Variants in TLL1 observed in about 807,000 individuals in gnomAD.
TLL1 encodes tolloid like 1.
In TLL1, 49 loss-of-function variants were observed where a neutral mutation model predicts 128.2. The ratio of observed to expected loss-of-function variants is 0.38; its 90% CI spans 0.30 to 0.48. The LOEUF is 0.48. Among genes scored for constraint, TLL1 ranks in the 20% least tolerant of loss-of-function variants. The pLI is 0.96. For missense variants in TLL1, 1,123 were observed against 1,242.0 expected (o/e 0.90, Z 1.44); for synonymous variants, 454 against 418.8 (o/e 1.08, Z -1.03).
chr4:165,900,898 C>G (rs1436206309), intron 1 of TLL1, among the ~76,000 whole-genome samples: 1 of 151,862 alleles, frequency 6.6e-6, no homozygotes, highest in Non-Finnish European at 1.5e-5. Context: ...TTGGTCTTTT[C>G]ACATGGTCCC....
intron 12 of TLL1, among the ~76,000 whole-genome samples, chr4:166,047,296 C>G (rs2111099891): frequency 1.3e-5 from 2 of 151,702 alleles, no homozygotes; most frequent in South Asian, 4.2e-4. Flanking sequence ...TCCCGAGTAG[C>G]TGGGACTACA....
Position 166,099,288 on chromosome 4 carries a change from C to A in TLL1, c.2668C>A (p.Arg890=), listed in dbSNP as rs1385488840. 1 of 1,613,312 alleles carries A rather than the reference C, an allele frequency of 6.2e-7. No homozygotes were observed. The highest frequency in any genetic ancestry group is 8.5e-7 in the Non-Finnish European group (1 of 1,179,608). The change falls in exon 20 of 21, where the codon CGA becomes AGA. Residue 890 remains arginine (R), a synonymous_variant. Coordinates refer to ENST00000061240, the MANE Select transcript of TLL1 (RefSeq NM_012464.5). The part of the protein sequence containing the change: ...QATHSTECGG[R]LKAESKPRDL... ...TCTTTCCTGGGCAGAGTGTGGCGGA[C>A]GATTGAAAGCAGAATCAAAACCAAG... is the stretch of plus-strand genomic sequence containing the variant.
At chr4:166,095,417 G>A (rs4690832) in intron 19 of TLL1, among the ~76,000 whole-genome samples, 147,173 of 151,216 alleles carry the variant, frequency 0.97, 71,737 homozygotes, top group East Asian at 1. Flanking sequence ...CTTTAGTAAA[G>A]AAAAAAATCC....
chr4:166,078,929 C>A (rs1378000911), intron 18 of TLL1, among the ~76,000 whole-genome samples: 1 of 152,058 alleles, frequency 6.6e-6, no homozygotes, highest in Non-Finnish European at 1.5e-5. Flanking sequence ...CTCTTCCCTT[C>A]AGTGAATATT....
At chr4:165,992,431 G>T (rs1350174215) in intron 2 of TLL1, among the ~76,000 whole-genome samples, 1 of 151,938 alleles carries the variant, frequency 6.6e-6, no homozygotes, top group Non-Finnish European at 1.5e-5. Flanking sequence ...TATTCAGTTT[G>T]CACTGGGGAA....
chr4:166,089,501 G>A (rs1480836018), intron 18 of TLL1, among the ~76,000 whole-genome samples: 1 of 152,130 alleles, frequency 6.6e-6, no homozygotes, highest in African/African-American at 2.4e-5. Context: ...TACGCAATGT[G>A]TGTACTCCAC....
At chr4:165,877,923 T>G (rs1358105012) in intron 1 of TLL1, among the ~76,000 whole-genome samples, 2 of 152,176 alleles carry the variant, frequency 1.3e-5, no homozygotes, top group Non-Finnish European at 2.9e-5. Flanking sequence ...AAGATGTTTT[T>G]GCAGAACAAT....
chr4:166,081,741 A>ATTT (rs200031279), intron 18 of TLL1, among the ~76,000 whole-genome samples: 107 of 146,338 alleles, frequency 7.3e-4, no homozygotes, highest in African/African-American at 1.7e-3. Flanking sequence ...CAAAGTTGTT[A>ATTT]TTTTTTTTTT....
chr4:166,101,207 C>A lies in TLL1; in HGVS notation c.*331C>A, dbSNP rs2279723. On this transcript the variant is annotated 3_prime_UTR_variant, in exon 21 of 21. Transcript: ENST00000061240. ...GTTTAATTCAGGAACTGTGACCCTGCAGTGTTCTTTTTGACAATTTGTCAA... is the reference window on the plus strand; with the variant it reads ...GTTTAATTCAGGAACTGTGACCCTGAAGTGTTCTTTTTGACAATTTGTCAA... 168,159 of 321,954 alleles carry A rather than the reference C, an allele frequency of 0.52. 44,558 individuals carry two copies. The highest frequency in any genetic ancestry group is 0.56 in the Non-Finnish European group (95,249 of 169,456). The allele number at this position is 321,954 out of a possible 1,614,324, so 19.9% of individuals were successfully genotyped here. A position where few individuals can be genotyped will look rare whatever the true frequency, so the allele number is the denominator to read the frequency against.
intron 14 of TLL1, among the ~76,000 whole-genome samples, chr4:166,059,085 A>G (rs575072476): frequency 1.3e-5 from 2 of 152,142 alleles, no homozygotes; most frequent in African/African-American, 2.4e-5. Context: ...AAATAACAAG[A>G]CTACTGTTTC....
Position 166,043,330 on chromosome 4 carries a change from C to T in TLL1, c.1435C>T (p.Pro479Ser), listed in dbSNP as rs1292349321. The change falls in exon 12 of 21, where the codon CCT (proline) becomes TCT (serine). Residue 479 changes from proline (P) to serine (S), a missense_variant. Pro to Ser is a moderately conservative substitution (Grantham distance 74). Coordinates refer to ENST00000061240, the MANE Select transcript of TLL1 (RefSeq NM_012464.5). ...AGGACAGATTCAGTCTCCCAATTAT[C>T]CTGATGACTATCGCCCGATGAAAGA... ...NEGQIQSPNY[P>S]DDYRPMKECV... 4 of 1,614,002 alleles carry T rather than the reference C, an allele frequency of 2.5e-6. No individual in the cohort carries two copies. The Admixed American group carries it at 6.7e-5, about 27-fold the overall frequency.
intron 8 of TLL1, among the ~76,000 whole-genome samples, chr4:166,020,286 A>G (rs1738160781): frequency 6.6e-6 from 1 of 152,226 alleles, no homozygotes; most frequent in African/African-American, 2.4e-5. Context: ...AAGGACAACT[A>G]GTAGCTAATG....
intron 8 of TLL1, among the ~76,000 whole-genome samples, chr4:166,021,432 C>CTTTTT (rs113942126): frequency 1.7e-5 from 2 of 120,442 alleles, no homozygotes; most frequent in African/African-American, 3.2e-5. Flanking sequence ...TTATTTTTGC[C>CTTTTT]TTTTTTTTTT....
chr4:166,096,907 C>T (rs1284672255), intron 19 of TLL1, among the ~76,000 whole-genome samples: 1 of 152,000 alleles, frequency 6.6e-6, no homozygotes, highest in Admixed American at 6.6e-5. Flanking sequence ...AATTGTTGTT[C>T]AATTTTCCTG....
chr4:165,997,408 T>G (rs1257063229), intron 5 of TLL1, among the ~76,000 whole-genome samples: 2 of 152,174 alleles, frequency 1.3e-5, no homozygotes, highest in Admixed American at 6.5e-5. Flanking sequence ...TGCAAGGTAG[T>G]GTCATTGATA....
chr4:166,015,259 AC>A (rs1455949123), intron 8 of TLL1, among the ~76,000 whole-genome samples: 2 of 152,030 alleles, frequency 1.3e-5, no homozygotes, highest in Non-Finnish European at 2.9e-5. Context: ...ACTTTGCATA[AC>A]ACAGTCTTTT....
intron 1 of TLL1, among the ~76,000 whole-genome samples, chr4:165,927,960 G>A (rs1362538729): frequency 6.6e-6 from 1 of 151,898 alleles, no homozygotes; most frequent in Non-Finnish European, 1.5e-5. Context: ...TAGTTAAATA[G>A]GTATGTGTCA....
chr4:166,063,735 G>A (rs902813093), intron 15 of TLL1, among the ~76,000 whole-genome samples: 14 of 152,144 alleles, frequency 9.2e-5, no homozygotes, highest in South Asian at 2.1e-4. Flanking sequence ...GCAAACTATC[G>A]CAAGGACAGA....
intron 1 of TLL1, among the ~76,000 whole-genome samples, chr4:165,941,671 CTTAA>C (rs1460542452): frequency 2.0e-5 from 3 of 152,048 alleles, no homozygotes; most frequent in African/African-American, 7.2e-5. Context: ...TGAAAAGAAA[CTTAA>C]AATTAATCTA....
Sources: allele counts gnomAD v4.1 joint callset (sites outside exome capture counted in the v4.1 genomes callset), GRCh38; gene constraint gnomAD v4.1.1; transcripts MANE v1.5; gene names NCBI Gene and HGNC (gene_info 2026-07-23, HGNC 2026-07-21).